TENM1: variants seen among roughly 807,000 people sequenced by gnomAD.
TENM1 encodes teneurin-1.
In TENM1, 35 loss-of-function variants were observed where a neutral mutation model predicts 174.8. That is an observed-to-expected ratio of 0.20 (90% confidence interval 0.15 to 0.27). The LOEUF (loss-of-function observed/expected upper bound fraction) is 0.27, where lower values mean the gene tolerates loss of function less well. Ranked by LOEUF, TENM1 falls within the 10% of genes least tolerant of loss-of-function variation. TENM1 has a pLI of 1.00. For synonymous variants in TENM1, 781 were observed against 798.7 expected, an observed-to-expected ratio of 0.98 and a Z score of 0.37; for missense variants, 1,633 against 2,130.1, an observed-to-expected ratio of 0.77 and a Z score of 4.59.
At chrX:124,541,042 A>C (rs2048308280) in intron 15 of TENM1, among the ~76,000 whole-genome samples, 1 of 112,126 alleles carries the variant, frequency 8.9e-6, no homozygotes, top group Non-Finnish European at 1.9e-5. Flanking sequence ...AAAAAGAATA[A>C]TTATTTTGCT....
the TENM1 span, among the ~76,000 whole-genome samples, chrX:125,183,692 G>C: frequency 1.1e-4 from 12 of 111,874 alleles, no homozygotes; most frequent in East Asian, 3.1e-3. Flanking sequence ...ACTTCAGCTT[G>C]AAACTATTTA....
chrX:124,379,871 T>C (rs41310478), exon 32 of TENM1: 42 of 111,421 alleles, frequency 3.8e-4, no homozygotes, highest in Non-Finnish European at 6.2e-4. Context: ...CACGAGCAAA[T>C]AGCGGCTATA....
intron 25 of TENM1, among the ~76,000 whole-genome samples, chrX:124,416,456 GACATGGATATATC>G (rs1384222625): frequency 1.3e-4 from 15 of 111,997 alleles, no homozygotes; most frequent in Non-Finnish European, 2.6e-4. Context: ...ACTATTTCAT[GACATGGATATATC>G]ACATTTTGTT....
In TENM1 at chrX:124,736,933, T is replaced by A. The variant is rs2053686075; in HGVS notation, c.776+24A>T. The stretch of plus-strand genomic sequence containing the variant: ...ATCCTCTGCCAATACTTAAGTTTAG[T>A]GGGATCAATAATAGCTCAAGTACCT... On this transcript the variant is annotated intron_variant, in intron 4 of 31. Coordinates refer to ENST00000422452, the Ensembl canonical transcript of TENM1. 4 of 1,186,974 alleles carry A rather than the reference T, an allele frequency of 3.4e-6. No individual in the cohort carries two copies. The African/African-American group carries it at 7.0e-5, about 21-fold the overall frequency.
At chrX:125,094,083 T>C in the TENM1 span, among the ~76,000 whole-genome samples, 1 of 112,412 alleles carries the variant, frequency 8.9e-6, no homozygotes, top group African/African-American at 3.2e-5. Context: ...GCAGGCTATG[T>C]TACAGTTCAA....
chrX:125,081,722 GC>G, the TENM1 span, among the ~76,000 whole-genome samples: 14,969 of 111,078 alleles, frequency 0.13, 824 homozygotes, highest in Admixed American at 0.29. Flanking sequence ...ATTCACAATA[GC>G]AAACATAGGG....
the TENM1 span, among the ~76,000 whole-genome samples, chrX:125,149,415 G>A: frequency 8.9e-6 from 1 of 111,849 alleles, no homozygotes; most frequent in Admixed American, 9.5e-5. Flanking sequence ...AGTTATTTGT[G>A]TCTTCTTCTC....
intron 3 of TENM1, among the ~76,000 whole-genome samples, chrX:124,799,357 C>G (rs2055386027): frequency 9.0e-6 from 1 of 111,055 alleles, no homozygotes; most frequent in African/African-American, 3.3e-5. Context: ...TTTGTGTCCT[C>G]TCTTATTTCC....
chrX:124,471,298 T>TTATAATATATATTACTATA (rs1556644351), intron 22 of TENM1, among the ~76,000 whole-genome samples: 3 of 24,672 alleles, frequency 1.2e-4, no homozygotes, highest in Non-Finnish European at 1.9e-4. Flanking sequence ...GTACTATATA[T>TTATAATATATATTACTATA]TATAATATAT....
At chrX:124,889,013 A>G in intron 3 of TENM1, among the ~76,000 whole-genome samples, 1 of 112,234 alleles carries the variant, frequency 8.9e-6, no homozygotes, top group East Asian at 2.8e-4. Flanking sequence ...TTGTTTATTT[A>G]TATTGTATTA....
chrX:124,579,761 A>C (rs2049256541), intron 11 of TENM1, among the ~76,000 whole-genome samples: 1 of 112,023 alleles, frequency 8.9e-6, no homozygotes, highest in African/African-American at 3.2e-5. Flanking sequence ...TCATGAATTG[A>C]TTTAACAAAC....
intron 3 of TENM1, among the ~76,000 whole-genome samples, chrX:124,837,494 A>T (rs1188481392): frequency 1.8e-5 from 2 of 112,626 alleles, no homozygotes; most frequent in African/African-American, 6.5e-5. Flanking sequence ...ATGTCTAAAG[A>T]GGTGAATATG....
At chrX:125,124,514 G>GACCAAATGCGACTAGGAAGCAGCTTTATT in the TENM1 span, among the ~76,000 whole-genome samples, 1 of 111,531 alleles carries the variant, frequency 9.0e-6, no homozygotes, top group Non-Finnish European at 1.9e-5. Flanking sequence ...GTGTTGTGGC[G>GACCAAATGCGACTAGGAAGCAGCTTTATT]ACCAAATGCG....
chrX:125,108,854 A>G, the TENM1 span, among the ~76,000 whole-genome samples: 1 of 110,299 alleles, frequency 9.1e-6, no homozygotes, highest in African/African-American at 3.3e-5. Context: ...TACAATTATC[A>G]TTGTAATTTA....
chrX:124,607,367 T>C (rs2050184131), intron 11 of TENM1, among the ~76,000 whole-genome samples: 1 of 110,529 alleles, frequency 9.0e-6, no homozygotes, highest in Admixed American at 9.7e-5. Flanking sequence ...TATTGGGTGA[T>C]CAGGGAAAGC....
intron 26 of TENM1, among the ~76,000 whole-genome samples, 164 bp from the exon 30 acceptor site, chrX:124,405,430 T>G (rs1283613271): frequency 1.8e-5 from 2 of 112,085 alleles, no homozygotes; most frequent in Non-Finnish European, 1.9e-5. Context: ...CAGGCAAACG[T>G]GTTCCCTATC....
At chrX:124,608,624 C>G (rs961466508) in intron 11 of TENM1, among the ~76,000 whole-genome samples, 2 of 111,238 alleles carry the variant, frequency 1.8e-5, no homozygotes, top group Non-Finnish European at 3.8e-5. Flanking sequence ...TCATTTAAAT[C>G]TAAAGAAGGC....
chrX:125,125,153 A>T, the TENM1 span, among the ~76,000 whole-genome samples: 3 of 111,983 alleles, frequency 2.7e-5, no homozygotes, highest in Non-Finnish European at 5.6e-5. Flanking sequence ...GCATCAACTC[A>T]CATCTAGAGA....
chrX:124,511,268 T>C (rs73550480), intron 18 of TENM1, among the ~76,000 whole-genome samples: 8,611 of 111,797 alleles, frequency 0.077, 297 homozygotes, highest in East Asian at 0.19. Context: ...TAGCAAACAT[T>C]TTGTAGGTCC....
Sources: allele counts gnomAD v4.1 joint callset (sites outside exome capture counted in the v4.1 genomes callset), GRCh38; gene constraint gnomAD v4.1.1; transcripts MANE v1.5; gene names NCBI Gene and HGNC (gene_info 2026-07-23, HGNC 2026-07-21).